RAP1GAP2: variants seen among roughly 807,000 people sequenced by gnomAD.
The protein encoded by RAP1GAP2 is RAP1 GTPase activating protein 2.
RAP1GAP2 carries 27 observed loss-of-function variants against 95.0 expected under a neutral mutation model. The ratio of observed to expected loss-of-function variants is 0.28; its 90% CI spans 0.21 to 0.39. The LOEUF (loss-of-function observed/expected upper bound fraction) is 0.39, where lower values mean the gene tolerates loss of function less well. RAP1GAP2 is among the 10% of genes least tolerant of loss of function. The probability of loss-of-function intolerance (pLI) is 1.00; values close to 1 mark genes in which losing one functional copy is unlikely to be tolerated. For missense variants in RAP1GAP2, 771 were observed against 970.0 expected, an observed-to-expected ratio of 0.79 and a Z score of 2.72; for synonymous variants, 373 against 380.9, an observed-to-expected ratio of 0.98 and a Z score of 0.24.
intron 2 of RAP1GAP2, among the ~76,000 whole-genome samples, chr17:2,869,280 A>G (rs968146047): frequency 6.6e-6 from 1 of 152,208 alleles, no homozygotes; most frequent in Non-Finnish European, 1.5e-5. Flanking sequence ...AGAAAGTAGA[A>G]TAGAGGTTGC....
In RAP1GAP2 at chr17:2,965,420, A is replaced by G; in HGVS notation, c.493-120A>G. On this transcript the variant is annotated intron_variant, in intron 7 of 24. Coordinates refer to ENST00000254695, the MANE Select transcript of RAP1GAP2 (RefSeq NM_015085.5). This position sits in a 1 kb window ranked among gnomAD's most constrained non-coding sequence, Gnocchi z 4.7. Reference sequence around the variant, plus strand: ...TGTTAATGTCGTTGTCATTGTCATCAGTAGCATCCTTCTCTTCCTTGTTGC... The same window carrying G: ...TGTTAATGTCGTTGTCATTGTCATCGGTAGCATCCTTCTCTTCCTTGTTGC... 3 of 745,916 alleles carry G rather than the reference A, an allele frequency of 4.0e-6. No individual in the cohort carries two copies. In the East Asian group the frequency reaches 8.1e-5, roughly 20 times the overall value. The allele number at this position is 745,916 out of a possible 1,614,324, so 46.2% of individuals were successfully genotyped here.
chr17:2,854,043 C>T (rs1567712121), intron 2 of RAP1GAP2: 2 of 985,208 alleles, frequency 2.0e-6, no homozygotes, highest in Non-Finnish European at 2.4e-6. Flanking sequence ...CGGGGATCCG[C>T]GCCGCCGTGG....
At chr17:2,874,641 G>C (rs969062112) in intron 2 of RAP1GAP2, among the ~76,000 whole-genome samples, 1 of 152,194 alleles carries the variant, frequency 6.6e-6, no homozygotes, top group African/African-American at 2.4e-5. Flanking sequence ...CCTCAGCCTG[G>C]GGCTGGATTC....
At chr17:2,922,826 G>GTTTTTTTTTT (rs138075669) in intron 3 of RAP1GAP2, among the ~76,000 whole-genome samples, 4 of 93,728 alleles carry the variant, frequency 4.3e-5, no homozygotes, top group African/African-American at 6.5e-5. Context: ...TTTTCTTTTT[G>GTTTTTTTTTT]TTTTTGTTTT....
chr17:2,829,538 T>G (rs910441810), intron 2 of RAP1GAP2, among the ~76,000 whole-genome samples: 1 of 152,096 alleles, frequency 6.6e-6, no homozygotes, highest in African/African-American at 2.4e-5. Context: ...TGTCTTCATG[T>G]GAGAAGGGAG....
chr17:2,838,973 C>CT (rs948145161), intron 2 of RAP1GAP2, among the ~76,000 whole-genome samples: 1 of 151,970 alleles, frequency 6.6e-6, no homozygotes, highest in African/African-American at 2.4e-5. Context: ...TTATATTTAC[C>CT]TTTTTTCTGG....
chr17:3,001,308 G>A (rs2046145576), intron 14 of RAP1GAP2, among the ~76,000 whole-genome samples: 3 of 74,606 alleles, frequency 4.0e-5, no homozygotes. Context: ...CAGCCTCAGG[G>A]CCTTCCTGAT....
chr17:3,025,922 C>A, intron 19 of RAP1GAP2, 86 bp from the exon 20 acceptor site: 1 of 1,011,690 alleles, frequency 9.9e-7, no homozygotes, highest in Non-Finnish European at 1.5e-6. Context: ...CCTCACCGTG[C>A]CGAGAGAGGC....
intron 1 of RAP1GAP2, among the ~76,000 whole-genome samples, chr17:2,761,775 G>C (rs2071253484): frequency 6.6e-6 from 1 of 152,014 alleles, no homozygotes; most frequent in Non-Finnish European, 1.5e-5. Context: ...AAATAAATTG[G>C]TGCTGGGTGT....
intron 2 of RAP1GAP2, among the ~76,000 whole-genome samples, chr17:2,856,298 A>G (rs1387396259): frequency 6.6e-6 from 1 of 152,196 alleles, no homozygotes; most frequent in Non-Finnish European, 1.5e-5. Flanking sequence ...CCCCCTGCAC[A>G]GAGAGCGAGA....
At chr17:2,877,605 A>C (rs1324741939) in intron 2 of RAP1GAP2, among the ~76,000 whole-genome samples, 1 of 152,026 alleles carries the variant, frequency 6.6e-6, no homozygotes, top group South Asian at 2.1e-4. Context: ...CAAAAAATTA[A>C]CTGGGTATGG....
At chr17:2,875,056 A>G (rs1242541500) in intron 2 of RAP1GAP2, among the ~76,000 whole-genome samples, 2 of 152,146 alleles carry the variant, frequency 1.3e-5, no homozygotes, top group Non-Finnish European at 2.9e-5. Flanking sequence ...ATTTGTTAAA[A>G]GCAAGTTTTT....
chr17:2,927,385 C>T (rs550984158), intron 3 of RAP1GAP2, among the ~76,000 whole-genome samples: 1 of 151,736 alleles, frequency 6.6e-6, no homozygotes. Flanking sequence ...GATCTCCTGA[C>T]CTCGTGATCC....
intron 2 of RAP1GAP2, among the ~76,000 whole-genome samples, chr17:2,886,171 A>AT (rs564574824): frequency 9.6e-4 from 119 of 123,352 alleles, no homozygotes; most frequent in East Asian, 6.6e-3. Flanking sequence ...GTATATATAT[A>AT]TTTTTTTTTT....
At chr17:2,775,875 G>T (rs1240870342), upstream of RAP1GAP2, among the ~76,000 whole-genome samples, 1 of 152,152 alleles carries the variant, frequency 6.6e-6, no homozygotes, top group East Asian at 1.9e-4. Context: ...GATGTCTATG[G>T]AGTGCATGAA....
chr17:2,891,907 T>C (rs1365041860), intron 2 of RAP1GAP2, among the ~76,000 whole-genome samples: 1 of 132,892 alleles, frequency 7.5e-6, no homozygotes, highest in Non-Finnish European at 1.6e-5. Context: ...CACTGCAACC[T>C]CTGCCTCCTC....
chr17:2,929,340 C>T (rs377687066), intron 3 of RAP1GAP2, among the ~76,000 whole-genome samples: 10 of 152,046 alleles, frequency 6.6e-5, no homozygotes, highest in South Asian at 2.1e-4. Flanking sequence ...AGGGTGTGCA[C>T]CCGGCACAGG....
chr17:2,841,899 C>G (rs150616121), intron 2 of RAP1GAP2, among the ~76,000 whole-genome samples: 1 of 152,220 alleles, frequency 6.6e-6, no homozygotes, highest in Non-Finnish European at 1.5e-5. Flanking sequence ...CCTCCTGACC[C>G]CACAGCATTC....
intron 13 of RAP1GAP2, among the ~76,000 whole-genome samples, chr17:2,995,941 T>C (rs2045942085): frequency 9.1e-6 from 1 of 110,312 alleles, no homozygotes. Flanking sequence ...GTTAACCTTC[T>C]CATCTATAAA....
Sources: allele counts gnomAD v4.1 joint callset (sites outside exome capture counted in the v4.1 genomes callset), GRCh38; gene constraint gnomAD v4.1.1; non-coding constraint Gnocchi (gnomAD v3.1); transcripts MANE v1.5; gene names NCBI Gene and HGNC (gene_info 2026-07-23, HGNC 2026-07-21).